AKAP9: variants seen among roughly 807,000 people sequenced by gnomAD.
AKAP9 encodes the protein A-kinase anchoring protein 9.
Under a neutral mutation model 488.5 loss-of-function variants are expected in AKAP9, and 311 were observed. The observed-to-expected ratio is 0.64, with a 90% CI of 0.58 to 0.70. The LOEUF (loss-of-function observed/expected upper bound fraction) is 0.70. Among genes scored for constraint, AKAP9 ranks in the 30% least tolerant of loss-of-function variants. The pLI is 0.00. For synonymous variants in AKAP9, 1,462 were observed against 1,483.5 expected (o/e 0.99, Z 0.33); for missense variants, 4,215 against 4,374.5 (o/e 0.96, Z 1.03).
rs559103737 is a variant in AKAP9 at position 92,100,047 on chromosome 7, T to C, written c.10896+178T>C. ...ATTATTACTAAGTTATAATAATTAC[T>C]GTTATTTATTGGAAACCATCTCTGT... On this transcript the variant is annotated intron_variant, in intron 44 of 49. Coordinates refer to ENST00000356239, the MANE Select transcript of AKAP9 (RefSeq NM_005751.5). 2.9e-4 allele frequency: 167 copies of C among 576,524 alleles called. 1 individual carries two copies. In the African/African-American group the frequency reaches 3.0e-3, roughly 10 times the overall value. 35.7% of individuals were successfully genotyped at this position (576,524 alleles called of 1,614,324 possible). A position where few individuals can be genotyped will look rare whatever the true frequency, so the allele number is the denominator to read the frequency against.
chr7:92,095,174 G>A lies in AKAP9; in HGVS notation c.9729+1G>A, dbSNP rs1359935670. On this transcript the variant is annotated splice_donor_variant, in intron 40 of 49. Coordinates refer to ENST00000356239, the MANE Select transcript of AKAP9 (RefSeq NM_005751.5). LOFTEE classifies it high-confidence loss of function. Reference sequence around the variant, plus strand: ...AGAACGGGATAAAGAAGAACTTGAGGTACTGTTATCTTTGTCTTTAAATGT... The same window carrying A: ...AGAACGGGATAAAGAAGAACTTGAGATACTGTTATCTTTGTCTTTAAATGT... The A allele has an allele frequency of 1.2e-6, 2 of 1,614,122 alleles. No individual in the cohort carries two copies. The highest frequency in any genetic ancestry group is 2.2e-5 in the East Asian group (1 of 44,864).
In AKAP9 at chr7:92,110,174, AT is replaced by A. The variant is rs750212658; in HGVS notation, c.*17del. ...TGAGAAGATAATCCTTTGAAACATCATTAATTGAAGTGATTTTAAATAGATT... is the reference window on the plus strand; with the variant it reads ...TGAGAAGATAATCCTTTGAAACATCATAATTGAAGTGATTTTAAATAGATT... On this transcript the variant is annotated 3_prime_UTR_variant, in exon 50 of 50. Coordinates refer to ENST00000356239, the MANE Select transcript of AKAP9 (RefSeq NM_005751.5). The A allele has an allele frequency of 6.3e-7, 1 of 1,585,588 alleles. No homozygotes were observed. Among genetic ancestry groups the A allele is most frequent in the Non-Finnish European group, 8.6e-7 (1 of 1,157,832 alleles).
intron 43 of AKAP9, among the ~76,000 whole-genome samples, chr7:92,098,803 T>C (rs1208734685): frequency 1.3e-5 from 2 of 152,188 alleles, no homozygotes; most frequent in Non-Finnish European, 2.9e-5. Flanking sequence ...CAAATACTTA[T>C]ATTGAACACT....
At chr7:92,013,864 A>G (rs1032144595) in intron 9 of AKAP9, among the ~76,000 whole-genome samples, 1 of 143,356 alleles carries the variant, frequency 7.0e-6, no homozygotes. Context: ...TTAGTGAGTA[A>G]TGATCAACAT....
At chr7:92,041,063 ACT>A (rs984050960) in intron 18 of AKAP9, 165 bp downstream of exon 18, 21 of 621,576 alleles carry the variant, frequency 3.4e-5, no homozygotes, top group Non-Finnish European at 5.6e-5. Flanking sequence ...TCAGGAACAC[ACT>A]CTATACTAAG....
intron 5 of AKAP9, 37 bp downstream of exon 5, chr7:91,993,092 A>G (rs932001803): frequency 6.2e-7 from 1 of 1,610,270 alleles, no homozygotes. Flanking sequence ...TTTGCTACTC[A>G]CAAAAACAAA....
chr7:92,015,488 C>T (rs764755380), intron 10 of AKAP9, among the ~76,000 whole-genome samples: 3 of 151,822 alleles, frequency 2.0e-5, no homozygotes, highest in Non-Finnish European at 2.9e-5. Flanking sequence ...CCTCACCTCC[C>T]GAGTAGCTGG....
rs536866193 is a variant in AKAP9 at position 92,032,791 on chromosome 7, T to A, written c.4338+1187T>A. 1.8e-4 allele frequency among the ~76,000 whole-genome samples: 28 copies of A among 152,260 alleles called. No individual in the cohort carries two copies. In the South Asian group the frequency reaches 5.8e-3, roughly 32 times the overall value. On this transcript the variant is annotated intron_variant, in intron 16 of 49. Transcript: ENST00000356239. ...TTTTTTTATAGCTTTCAATGTCTAG[T>A]TCTTGGAGGAATGCAAATTTTCTCT...
Position 92,097,277 on chromosome 7 carries a change from A to C in AKAP9, c.10318A>C (p.Met3440Leu), listed in dbSNP as rs535472612. 6.2e-7 allele frequency: 1 copy of C among 1,614,016 alleles called. No individual in the cohort carries two copies. Among genetic ancestry groups the C allele is most frequent in the East Asian group, 2.2e-5 (1 of 44,876 alleles). The part of the protein sequence containing the change: ...DLEGQRLQGI[M>L]QEFQKQELER... ...TGAAGGACAGCGACTACAAGGAATC[A>C]TGCAGGAATTCCAGAAGCAAGAACT... Residue 3440 changes from methionine (M) to leucine (L), a missense_variant, in exon 41 of 50, where the codon ATG becomes CTG. Around this residue, in one of 5 missense-constraint regions of AKAP9, gnomAD observed 1,476 missense variants for 1,477.4 expected, o/e 1.00. Transcript: ENST00000356239.
chr7:92,016,002 A>G, intron 10 of AKAP9, 127 bp from the exon 11 acceptor site: 1 of 699,808 alleles, frequency 1.4e-6, no homozygotes, highest in South Asian at 1.8e-5. Flanking sequence ...GGGTATGGAG[A>G]GAATGTTTTC....
intron 16 of AKAP9, among the ~76,000 whole-genome samples, chr7:92,036,007 T>C (rs772137253): frequency 2.6e-5 from 4 of 152,044 alleles, no homozygotes; most frequent in Non-Finnish European, 5.9e-5. Context: ...GAAAATTCTT[T>C]AGAAGTTTTT....
chr7:91,973,164 C>A (rs1372827678), intron 1 of AKAP9, among the ~76,000 whole-genome samples: 2 of 152,116 alleles, frequency 1.3e-5, no homozygotes, highest in Admixed American at 1.3e-4. Flanking sequence ...TTGCTTGAGC[C>A]CAGGAGTTGA....
intron 1 of AKAP9, among the ~76,000 whole-genome samples, chr7:91,955,739 T>G (rs887960110): frequency 6.6e-6 from 1 of 152,184 alleles, no homozygotes; most frequent in African/African-American, 2.4e-5. Context: ...GTTCAAGTGA[T>G]TCTCCTGCCT....
In AKAP9 at chr7:92,083,216, T is replaced by A. The variant is rs769936861; in HGVS notation, c.8207T>A (p.Val2736Asp). ...TCTCTTCAGAAAGACTTAAGCCAAG[T>A]TAGGGATCACCTCGCAGAGGCAAAA... ...MTSLQKDLSQ[V>D]RDHLAEAKEK... Residue 2736 changes from valine (V) to aspartate (D), a missense_variant, in exon 33 of 50, where the codon GTT becomes GAT. Around this residue, in one of 5 missense-constraint regions of AKAP9, gnomAD observed 1,476 missense variants for 1,477.4 expected, o/e 1.00. Transcript: ENST00000356239. 6.2e-7 allele frequency: 1 copy of A among 1,614,068 alleles called. No individual in the cohort carries two copies. Among genetic ancestry groups the A allele is most frequent in the South Asian group, 1.1e-5 (1 of 91,066 alleles).
rs1806734858 is a variant in AKAP9, at chr7:92,045,046, T to C, written c.5201T>C (p.Ile1734Thr). Reference protein sequence around the residue: ...LQKANNRLLKILLEVVKTTAA... With the variant: ...LQKANNRLLKTLLEVVKTTAA... Reference sequence around the variant, plus strand: ...AAAGCTAATAATAGACTTTTGAAGATCCTCTTAGAAGTTGTAAAGACAACA... The same window carrying C: ...AAAGCTAATAATAGACTTTTGAAGACCCTCTTAGAAGTTGTAAAGACAACA... Residue 1734 changes from isoleucine (I) to threonine (T), a missense_variant, in exon 21 of 50, where the codon ATC becomes ACC. This residue lies in a region of AKAP9 where 2,361 missense variants were observed against 2,430.0 expected (regional missense o/e 0.97). Transcript: ENST00000356239. 1 of 1,613,498 alleles carries C rather than the reference T, an allele frequency of 6.2e-7. No individual in the cohort carries two copies. Among genetic ancestry groups the C allele is most frequent in the Non-Finnish European group, 8.5e-7 (1 of 1,179,698 alleles).
Position 92,084,713 on chromosome 7 carries a change from A to G in AKAP9, c.8710+10A>G, listed in dbSNP as rs1395096148. ...GAAATATGCTCCAGTGGTAAGTTAT[A>G]TAAATATTTGTAATGTTTGTAGTAG... is the stretch of plus-strand genomic sequence containing the variant. On this transcript the variant is annotated intron_variant, in intron 34 of 49. Coordinates refer to ENST00000356239, the MANE Select transcript of AKAP9 (RefSeq NM_005751.5). The G allele has an allele frequency of 1.2e-6, 2 of 1,610,160 alleles. No homozygotes were observed. Among genetic ancestry groups the G allele is most frequent in the African/African-American group, 1.3e-5 (1 of 74,822 alleles).
chr7:92,032,353 G>A (rs559279748), intron 16 of AKAP9, among the ~76,000 whole-genome samples: 3 of 152,086 alleles, frequency 2.0e-5, no homozygotes, highest in East Asian at 1.9e-4. Flanking sequence ...AAAATTAGCC[G>A]GGCGTGGTGA....
At chr7:92,061,661 T>C (rs923302101) in intron 23 of AKAP9, among the ~76,000 whole-genome samples, 2 of 142,966 alleles carry the variant, frequency 1.4e-5, no homozygotes, top group Non-Finnish European at 3.0e-5. Flanking sequence ...AAAATAATAA[T>C]TTCAGAAAAT....
chr7:92,097,448 T>C, intron 41 of AKAP9, 91 bp downstream of exon 41: 2 of 1,524,460 alleles, frequency 1.3e-6, no homozygotes, highest in Non-Finnish European at 1.8e-6. Flanking sequence ...ATTACTTAAA[T>C]AGCTATATGT....
Sources: allele counts gnomAD v4.1 joint callset (sites outside exome capture counted in the v4.1 genomes callset), GRCh38; gene constraint gnomAD v4.1.1; regional missense constraint gnomAD v4.1.1; transcripts MANE v1.5; gene names NCBI Gene and HGNC (gene_info 2026-07-23, HGNC 2026-07-21).